The following CCDC192 variants were observed in gnomAD, a reference collection of about 807,000 sequenced individuals.
The protein encoded by CCDC192 is coiled-coil domain containing 192, also known as coiled-coil domain-containing protein 192.
At chr5:127,810,145 T>C (rs1757999920) in intron 5 of CCDC192, among the ~76,000 whole-genome samples, 1 of 152,198 alleles carries the variant, frequency 6.6e-6, no homozygotes, top group Non-Finnish European at 1.5e-5. Flanking sequence ...TTGTAACACA[T>C]AGATCCCAGA....
intron 3 of CCDC192, among the ~76,000 whole-genome samples, chr5:127,792,641 G>A (rs1756938424): frequency 6.6e-6 from 1 of 151,692 alleles, no homozygotes; most frequent in Non-Finnish European, 1.5e-5. Flanking sequence ...AGTAGATAGA[G>A]GTTGCAAGAA....
chr5:127,883,912 G>T (rs776807990), intron 6 of CCDC192, among the ~76,000 whole-genome samples: 28 of 152,284 alleles, frequency 1.8e-4, no homozygotes, highest in Middle Eastern at 3.4e-3. Context: ...AGGCTGAACC[G>T]CGGGCTTTCT....
chr5:127,901,916 T>C (rs1162850709), intron 6 of CCDC192, among the ~76,000 whole-genome samples: 1 of 152,208 alleles, frequency 6.6e-6, no homozygotes, highest in African/African-American at 2.4e-5. Flanking sequence ...CCAAGTAAAT[T>C]GTGATGAATA....
At chr5:127,717,629 C>A (rs1452927890) in intron 2 of CCDC192, among the ~76,000 whole-genome samples, 1 of 151,788 alleles carries the variant, frequency 6.6e-6, no homozygotes, top group African/African-American at 2.4e-5. Context: ...TAATTTATTT[C>A]TCCTTCATAA....
intron 6 of CCDC192, among the ~76,000 whole-genome samples, chr5:127,888,136 C>A (rs1752623458): frequency 6.6e-6 from 1 of 151,790 alleles, no homozygotes; most frequent in Non-Finnish European, 1.5e-5. Context: ...GTCAGGACAG[C>A]CGGGTGCAGT....
chr5:127,719,508 T>C (rs1379060288), intron 2 of CCDC192, among the ~76,000 whole-genome samples: 2 of 12,412 alleles, frequency 1.6e-4, no homozygotes, highest in African/African-American at 5.1e-4. Context: ...CACACATACA[T>C]ATATATATAT....
chr5:127,715,192 C>T lies in CCDC192; in HGVS notation c.114+7432C>T, dbSNP rs77050883. Among the ~76,000 whole-genome samples the T allele has an allele frequency of 2.5e-3, 376 of 152,230 alleles. 2 individuals are homozygous for T. The highest frequency in any genetic ancestry group is 8.8e-3 in the African/African-American group (364 of 41,550). On this transcript the variant is annotated intron_variant, in intron 2 of 6. Coordinates refer to ENST00000514853, the MANE Select transcript of CCDC192 (RefSeq NM_001317938.2). ...GTTTTTGAGGTCTTATTCAAAAAAT[C>T]CTCACCCATACCAATCTCACAAAGT... is the stretch of plus-strand genomic sequence containing the variant.
In CCDC192 at chr5:127,747,269, G is replaced by A. The variant is rs1210923827; in HGVS notation, c.115-6999G>A. On this transcript the variant is annotated intron_variant, in intron 2 of 6. Transcript: ENST00000514853. ...TATCCCTCCCCCCTCTCCCCACCCC[G>A]CAACAGTCCCCAGAGTGTGATGTTC... Among the ~76,000 whole-genome samples the A allele has an allele frequency of 2.0e-4, 28 of 142,194 alleles. 1 individual carries two copies. Among genetic ancestry groups the A allele is most frequent in the Admixed American group, 1.5e-3 (21 of 14,192 alleles). The allele number at this position is 142,194 out of a possible 152,430, so 93.3% of individuals were successfully genotyped here.
chr5:127,804,972 C>T (rs1757703228), intron 5 of CCDC192, among the ~76,000 whole-genome samples: 1 of 152,150 alleles, frequency 6.6e-6, no homozygotes, highest in Admixed American at 6.5e-5. Flanking sequence ...GGATACCTCT[C>T]CAGCCTGATT....
intron 3 of CCDC192, 98 bp from the exon 4 acceptor site, chr5:127,797,005 A>G (rs946083837): frequency 2.6e-6 from 1 of 382,940 alleles, no homozygotes; most frequent in Non-Finnish European, 4.6e-6. Flanking sequence ...TATTTAGTAG[A>G]TACTGGTGGA....
intron 2 of CCDC192, among the ~76,000 whole-genome samples, chr5:127,744,712 T>A (rs1337235140): frequency 1.3e-5 from 2 of 152,230 alleles, no homozygotes. Context: ...AGTGTCCCCA[T>A]GGGTATTTTC....
At chr5:127,889,419 T>G (rs1036164883) in intron 6 of CCDC192, among the ~76,000 whole-genome samples, 2 of 151,644 alleles carry the variant, frequency 1.3e-5, no homozygotes, top group Admixed American at 6.6e-5. Context: ...TTTTTTTTTT[T>G]TGAGACAGAG....
chr5:127,846,659 AG>A (rs1489921536), intron 5 of CCDC192, among the ~76,000 whole-genome samples: 1 of 151,756 alleles, frequency 6.6e-6, no homozygotes, highest in East Asian at 1.9e-4. Flanking sequence ...TAGTAGAAAC[AG>A]GGTTTCATCA....
intron 2 of CCDC192, chr5:127,740,356 T>C (rs959385018): frequency 1.3e-5 from 2 of 152,230 alleles, no homozygotes; most frequent in Non-Finnish European, 2.9e-5. Context: ...CTGTGCCTTA[T>C]AGTATTAGAA....
At chr5:127,772,561 G>A (rs1037168351) in intron 3 of CCDC192, among the ~76,000 whole-genome samples, 4 of 151,614 alleles carry the variant, frequency 2.6e-5, no homozygotes, top group African/African-American at 7.3e-5. Flanking sequence ...GCAAGATATT[G>A]GCAGTAATTC....
intron 6 of CCDC192, among the ~76,000 whole-genome samples, chr5:127,928,147 C>T (rs1160464888): frequency 2.0e-5 from 3 of 151,930 alleles, no homozygotes; most frequent in African/African-American, 4.8e-5. Context: ...AAGCTGGTCT[C>T]GAACTCAGGT....
chr5:127,708,464 C>T (rs1427502680), intron 2 of CCDC192, among the ~76,000 whole-genome samples: 1 of 152,104 alleles, frequency 6.6e-6, no homozygotes, highest in Non-Finnish European at 1.5e-5. Context: ...ATCTATATTT[C>T]CCTCAATCTC....
intron 6 of CCDC192, among the ~76,000 whole-genome samples, chr5:127,892,978 C>A (rs1752772489): frequency 6.6e-6 from 1 of 152,180 alleles, no homozygotes; most frequent in African/African-American, 2.4e-5. Flanking sequence ...TGTCAACATC[C>A]TGTTTGAAAA....
At chr5:127,824,386 A>G (rs1749429673) in intron 5 of CCDC192, among the ~76,000 whole-genome samples, 1 of 152,232 alleles carries the variant, frequency 6.6e-6, no homozygotes, top group Non-Finnish European at 1.5e-5. Context: ...TATTATTTAT[A>G]AAAGCAACAG....
Sources: allele counts gnomAD v4.1 joint callset (sites outside exome capture counted in the v4.1 genomes callset), GRCh38; gene constraint gnomAD v4.1.1; transcripts MANE v1.5; gene names NCBI Gene and HGNC (gene_info 2026-07-23, HGNC 2026-07-21).